ARMC9: variants seen among roughly 807,000 people sequenced by gnomAD.
ARMC9 encodes the protein armadillo repeat containing 9.
ARMC9 carries 94 observed loss-of-function variants against 107.0 expected under a neutral mutation model. That is an observed-to-expected ratio of 0.88 (90% CI 0.74 to 1.04). ARMC9 has a LOEUF of 1.04. Ranked by LOEUF, ARMC9 falls within the 50% of genes least tolerant of loss-of-function variation. The probability of loss-of-function intolerance (pLI) is 0.00; values close to 1 mark genes in which losing one functional copy is unlikely to be tolerated. For synonymous variants in ARMC9, 380 were observed against 396.9 expected (o/e 0.96, Z 0.51); for missense variants, 942 against 1,030.1 (o/e 0.91, Z 1.17).
At chr2:231,215,737 T>G (rs1040655417) in intron 4 of ARMC9, among the ~76,000 whole-genome samples, 1 of 152,086 alleles carries the variant, frequency 6.6e-6, no homozygotes, top group Admixed American at 6.6e-5. Context: ...TGGACCAAGG[T>G]GAACACATGA....
intron 16 of ARMC9, among the ~76,000 whole-genome samples, chr2:231,280,221 G>A (rs1258722098): frequency 1.3e-5 from 2 of 152,126 alleles, no homozygotes; most frequent in East Asian, 1.9e-4. Flanking sequence ...TTGGGAGACC[G>A]AGGCAGGAGG....
intron 13 of ARMC9, among the ~76,000 whole-genome samples, chr2:231,272,386 G>A (rs754753225): frequency 6.6e-6 from 1 of 152,010 alleles, no homozygotes; most frequent in Non-Finnish European, 1.5e-5. Flanking sequence ...ATAGAGATGA[G>A]GTTACGCCCT....
intron 8 of ARMC9, among the ~76,000 whole-genome samples, chr2:231,236,154 A>G (rs1376053158): frequency 6.6e-6 from 1 of 152,188 alleles, no homozygotes; most frequent in Non-Finnish European, 1.5e-5. Flanking sequence ...TAGCAAAAAA[A>G]TGAGGGGCAC....
chr2:231,299,783 G>A (rs991553302), intron 19 of ARMC9, among the ~76,000 whole-genome samples: 3 of 152,060 alleles, frequency 2.0e-5, no homozygotes, highest in Admixed American at 6.6e-5. Flanking sequence ...AAATATGGGT[G>A]TTTTCATTGT....
At chr2:231,357,703 G>A (rs990278409) in intron 22 of ARMC9, among the ~76,000 whole-genome samples, 2 of 152,172 alleles carry the variant, frequency 1.3e-5, no homozygotes, top group Admixed American at 1.3e-4. Flanking sequence ...TTCCTGAGTA[G>A]CTGGCACTAC....
At position 231,370,085 on chromosome 2, in the gene ARMC9, C is replaced by A; in HGVS notation, c.2394C>A (p.Ser798Arg). 1 of 1,534,594 alleles carries A rather than the reference C, an allele frequency of 6.5e-7. No individual in the cohort carries two copies. The highest frequency in any genetic ancestry group is 8.7e-7 in the Non-Finnish European group (1 of 1,145,920). ...LFSSCGPQQA[S>R]RPGSTASSTR... Reference sequence around the variant, plus strand: ...CTTCGTGTGGCCCCCAGCAGGCCAGCCGCCCCGGCTCCACAGCGTCCTCCA... The same window carrying A: ...CTTCGTGTGGCCCCCAGCAGGCCAGACGCCCCGGCTCCACAGCGTCCTCCA... The change falls in exon 24 of 25, where the codon AGC (serine) becomes AGA (arginine). Residue 798 changes from serine (S) to arginine (R), a missense_variant. Ser to Arg is a moderately radical substitution (Grantham distance 110). Coordinates refer to ENST00000611582, the MANE Select transcript of ARMC9 (RefSeq NM_001352754.2).
intron 23 of ARMC9, among the ~76,000 whole-genome samples, chr2:231,361,423 A>T (rs2045573259): frequency 6.8e-6 from 1 of 147,824 alleles, no homozygotes; most frequent in African/African-American, 2.5e-5. Flanking sequence ...CAACATAGTG[A>T]GACCCTGTCT....
intron 19 of ARMC9, among the ~76,000 whole-genome samples, chr2:231,302,204 G>A (rs1158081977): frequency 6.6e-6 from 1 of 151,808 alleles, no homozygotes; most frequent in Non-Finnish European, 1.5e-5. Flanking sequence ...TTGGTTTCAG[G>A]AGCCATTTAC....
chr2:231,272,106 C>T (rs1338897963), intron 13 of ARMC9, among the ~76,000 whole-genome samples: 1 of 151,716 alleles, frequency 6.6e-6, no homozygotes, highest in Non-Finnish European at 1.5e-5. Context: ...TGAATAAAAC[C>T]AACGTTTAAC....
At chr2:231,212,035 T>A (rs948497386) in intron 3 of ARMC9, among the ~76,000 whole-genome samples, 2 of 152,076 alleles carry the variant, frequency 1.3e-5, no homozygotes, top group Admixed American at 6.6e-5. Context: ...ATAAAAAAAA[T>A]ATGTAGAACT....
rs1254346064 is a variant in ARMC9 at position 231,358,347 on chromosome 2, TTCAA to T, written c.2132-2405_2132-2402del. Among the ~76,000 whole-genome samples, 1 of 137,722 alleles carries T rather than the reference TTCAA, an allele frequency of 7.3e-6. No homozygotes were observed. The highest frequency in any genetic ancestry group is 3.5e-5 in the African/African-American group (1 of 28,226). The allele number at this position is 137,722 out of a possible 152,430, so 90.4% of individuals were successfully genotyped here. A position where few individuals can be genotyped will look rare whatever the true frequency, so the allele number is the denominator to read the frequency against. ...CTGCTTCTCCATCCCTCCCCTCCAC[TTCAA>T]TTGATTGATTGATTGATTGATTGAT... On this transcript the variant is annotated intron_variant, in intron 22 of 24. Coordinates refer to ENST00000611582, the MANE Select transcript of ARMC9 (RefSeq NM_001352754.2). The surrounding 1 kb of genome is among the most constrained non-coding windows in gnomAD (Gnocchi z 4.5).
chr2:231,222,848 C>A, intron 6 of ARMC9, 28 bp downstream of exon 6: 1 of 1,454,170 alleles, frequency 6.9e-7, no homozygotes, highest in Non-Finnish European at 9.5e-7. Context: ...ATAGAGACCA[C>A]CTATGGTTTT....
chr2:231,299,126 T>C (rs2041564210), intron 19 of ARMC9, among the ~76,000 whole-genome samples: 1 of 152,174 alleles, frequency 6.6e-6, no homozygotes, highest in African/African-American at 2.4e-5. Flanking sequence ...CTTGATCTAA[T>C]GTGCTAACCT....
chr2:231,357,198 G>A (rs1370248065), intron 22 of ARMC9, among the ~76,000 whole-genome samples: 2 of 152,210 alleles, frequency 1.3e-5, no homozygotes, highest in Non-Finnish European at 2.9e-5. Context: ...CCGGGTTCTT[G>A]CATGAACAGG....
intron 19 of ARMC9, among the ~76,000 whole-genome samples, chr2:231,326,922 A>G (rs961549268): frequency 2.0e-5 from 3 of 152,188 alleles, no homozygotes; most frequent in Non-Finnish European, 2.9e-5. Flanking sequence ...GTCAAAGGGA[A>G]GGACTGGCTA....
chr2:231,292,186 A>T (rs944335316), intron 18 of ARMC9, among the ~76,000 whole-genome samples: 6 of 151,670 alleles, frequency 4.0e-5, no homozygotes, highest in African/African-American at 1.5e-4. Flanking sequence ...AAAAAAAAAA[A>T]GTTCCGCCAG....
intron 20 of ARMC9, among the ~76,000 whole-genome samples, chr2:231,336,928 C>G (rs1302382896): frequency 1.3e-5 from 2 of 152,138 alleles, no homozygotes; most frequent in Admixed American, 1.3e-4. Flanking sequence ...AGGCTGGGCT[C>G]AGACCTGGGC....
At chr2:231,267,232 A>AT (rs1001290364) in intron 12 of ARMC9, among the ~76,000 whole-genome samples, 16 of 149,946 alleles carry the variant, frequency 1.1e-4, no homozygotes, top group Admixed American at 2.7e-4. Flanking sequence ...AGCAATATTT[A>AT]TTTTTTTTTT....
chr2:231,302,140 G>A (rs1324210443), intron 19 of ARMC9, among the ~76,000 whole-genome samples: 3 of 151,856 alleles, frequency 2.0e-5, no homozygotes, highest in South Asian at 4.2e-4. Flanking sequence ...GTTATGCATA[G>A]GAAAGAAAAA....
Sources: allele counts gnomAD v4.1 joint callset (sites outside exome capture counted in the v4.1 genomes callset), GRCh38; gene constraint gnomAD v4.1.1; non-coding constraint Gnocchi (gnomAD v3.1); transcripts MANE v1.5; gene names NCBI Gene and HGNC (gene_info 2026-07-23, HGNC 2026-07-21).